The following TAF12 variants were observed in gnomAD, a reference collection of about 807,000 sequenced individuals.
TAF12 encodes the protein TATA-box binding protein associated factor 12.
In TAF12, 3 loss-of-function variants were observed where a neutral mutation model predicts 20.8. The observed-to-expected ratio is 0.14, with a 90% CI of 0.07 to 0.37. The LOEUF (loss-of-function observed/expected upper bound fraction) is 0.37. TAF12 is among the 10% of genes least tolerant of loss of function. TAF12 has a pLI of 1.00. For missense variants in TAF12, 131 were observed against 197.9 expected (o/e 0.66, Z 2.03); for synonymous variants, 69 against 70.2 (o/e 0.98, Z 0.09).
chr1:28,604,630 C>T (rs1366484974), intron 5 of TAF12, among the ~76,000 whole-genome samples: 3 of 152,202 alleles, frequency 2.0e-5, no homozygotes, highest in African/African-American at 7.2e-5. Flanking sequence ...TTAGGGCTTG[C>T]TTCGTGAGCT....
chr1:28,626,898 C>T (rs1004720509), intron 1 of TAF12, among the ~76,000 whole-genome samples: 14 of 151,250 alleles, frequency 9.3e-5, no homozygotes, highest in African/African-American at 2.4e-4. Flanking sequence ...GCGACAAGGG[C>T]GAAACTCCAT....
intron 1 of TAF12, among the ~76,000 whole-genome samples, chr1:28,624,705 C>T (rs1168614877): frequency 6.6e-6 from 1 of 151,920 alleles, no homozygotes; most frequent in Non-Finnish European, 1.5e-5. Flanking sequence ...CGAGATCAGG[C>T]CACTGCACTC....
intron 1 of TAF12, among the ~76,000 whole-genome samples, chr1:28,640,459 T>A (rs1215316989): frequency 6.6e-6 from 1 of 152,150 alleles, no homozygotes; most frequent in Non-Finnish European, 1.5e-5. Context: ...CACATGTAAC[T>A]GGGGTTGGGT....
upstream of TAF12, among the ~76,000 whole-genome samples, chr1:28,647,730 C>T (rs532915441): frequency 1.1e-4 from 16 of 152,130 alleles, no homozygotes; most frequent in South Asian, 2.3e-3. Context: ...AAAAATTAGC[C>T]GGGCATGGTG....
At chr1:28,611,781 CA>C (rs1279352175) in intron 4 of TAF12, among the ~76,000 whole-genome samples, 5 of 151,968 alleles carry the variant, frequency 3.3e-5, no homozygotes, top group Non-Finnish European at 7.4e-5. Context: ...TTTAAGCTGC[CA>C]AGTTTATGGT....
chr1:28,623,726 A>G (rs907058261), intron 1 of TAF12, among the ~76,000 whole-genome samples: 1 of 152,182 alleles, frequency 6.6e-6, no homozygotes, highest in Non-Finnish European at 1.5e-5. Flanking sequence ...CCCAATAAAC[A>G]TAACTTTTAG....
rs966121386 is a variant in TAF12, at chr1:28,613,269, C to T, written c.339G>A (p.Val113=). 1.9e-6 allele frequency: 3 copies of T among 1,610,072 alleles called. No individual in the cohort carries two copies. Among genetic ancestry groups the T allele is most frequent in the East Asian group, 4.5e-5 (2 of 44,814 alleles). The change falls in exon 4 of 6, where the codon GTG becomes GTA. Residue 113 remains valine (V), a synonymous_variant. Coordinates refer to ENST00000373824, the MANE Select transcript of TAF12 (RefSeq NM_005644.4). ...TACCTAAATGCAGCTGGACATCTTT[C>T]ACCTCCAGGGTGCTAGACTTGCGAT... ...ARHRKSSTLE[V]KDVQLHLERQ... is the part of the protein sequence containing the mutation.
chr1:28,619,948 C>CAA (rs879307972), intron 2 of TAF12, among the ~76,000 whole-genome samples: 1 of 101,044 alleles, frequency 9.9e-6, no homozygotes. Flanking sequence ...GACTCTGTCT[C>CAA]AAAAAAAAAA....
At chr1:28,641,363 A>C (rs1012908454) in intron 1 of TAF12, among the ~76,000 whole-genome samples, 3 of 151,888 alleles carry the variant, frequency 2.0e-5, no homozygotes, top group African/African-American at 7.3e-5. Context: ...CACACCTGTA[A>C]TTCCAGCTAC....
intron 4 of TAF12, among the ~76,000 whole-genome samples, chr1:28,606,124 G>T (rs1335270049): frequency 6.6e-6 from 1 of 152,042 alleles, no homozygotes; most frequent in Non-Finnish European, 1.5e-5. Context: ...TCAGACTCCC[G>T]AGTAGCTGGG....
chr1:28,641,524 T>G (rs947668692), intron 1 of TAF12, among the ~76,000 whole-genome samples: 1 of 151,662 alleles, frequency 6.6e-6, no homozygotes, highest in African/African-American at 2.4e-5. Context: ...GGGGGTGAGG[T>G]GACTCATGCC....
intron 4 of TAF12, among the ~76,000 whole-genome samples, chr1:28,606,636 G>A (rs79538601): frequency 2.1e-4 from 32 of 152,250 alleles, no homozygotes; most frequent in Non-Finnish European, 3.7e-4. Flanking sequence ...AGCTGTGAAT[G>A]CTGAGACCTA....
intron 1 of TAF12, among the ~76,000 whole-genome samples, chr1:28,635,001 C>T (rs1050878354): frequency 5.3e-5 from 8 of 151,036 alleles, no homozygotes; most frequent in Non-Finnish European, 1.0e-4. Context: ...CCGAGGCAGG[C>T]GGATCACGAG....
intron 1 of TAF12, among the ~76,000 whole-genome samples, chr1:28,640,429 G>A (rs949781433): frequency 1.3e-5 from 2 of 152,160 alleles, no homozygotes; most frequent in Admixed American, 6.6e-5. Flanking sequence ...ACTTAGAAGA[G>A]TAGAAAAAAG....
chr1:28,648,190 C>T, intron 1 of TAF12: 1 of 985,338 alleles, frequency 1.0e-6, no homozygotes, highest in Non-Finnish European at 1.2e-6. Flanking sequence ...TTGTCTTCCC[C>T]AGTCAGATAC....
At chr1:28,617,911 G>T in intron 3 of TAF12, 42 bp downstream of exon 3, 1 of 1,590,490 alleles carries the variant, frequency 6.3e-7, no homozygotes, top group Non-Finnish European at 8.6e-7. Context: ...TGCTATACCG[G>T]TTCTCAGGGA....
chr1:28,644,049 T>C (rs1668124165), upstream of TAF12, among the ~76,000 whole-genome samples: 1 of 143,890 alleles, frequency 6.9e-6, no homozygotes, highest in Non-Finnish European at 1.5e-5. Flanking sequence ...AGACTCTGTC[T>C]CAAAAAAAAA....
At chr1:28,612,460 T>C (rs1666892639) in intron 4 of TAF12, among the ~76,000 whole-genome samples, 1 of 146,642 alleles carries the variant, frequency 6.8e-6, no homozygotes, top group South Asian at 2.1e-4. Context: ...TATATATATA[T>C]TTATATATAT....
chr1:28,611,358 G>A (rs1007359418), intron 4 of TAF12, among the ~76,000 whole-genome samples: 6 of 152,158 alleles, frequency 3.9e-5, no homozygotes, highest in East Asian at 1.9e-4. Context: ...GAAGCCTTCC[G>A]TTATGGGTTA....
Sources: gnomAD v4.1 joint callset for allele counts (sites outside exome capture counted in the v4.1 genomes callset) on GRCh38, gnomAD v4.1.1 for gene constraint, MANE v1.5 for transcripts, NCBI Gene and HGNC (gene_info 2026-07-23, HGNC 2026-07-21) for gene names.